LRRC4C: variants seen among roughly 807,000 people sequenced by gnomAD.
LRRC4C encodes leucine-rich repeat-containing protein 4C.
A neutral mutation model predicts 33.6 loss-of-function variants in LRRC4C; 5 were observed. That is an observed-to-expected ratio of 0.15 (90% confidence interval 0.08 to 0.31). The LOEUF is 0.31. Among genes scored for constraint, LRRC4C ranks in the 10% least tolerant of loss-of-function variants. The probability of loss-of-function intolerance (pLI) is 1.00; values close to 1 mark genes in which losing one functional copy is unlikely to be tolerated. For synonymous variants in LRRC4C, 329 were observed against 302.0 expected, an observed-to-expected ratio of 1.09 and a Z score of -0.93; for missense variants, 560 against 796.7, an observed-to-expected ratio of 0.70 and a Z score of 3.58.
At chr11:40,243,418 T>C (rs534564166) in intron 4 of LRRC4C, among the ~76,000 whole-genome samples, 12 of 152,202 alleles carry the variant, frequency 7.9e-5, no homozygotes, top group Middle Eastern at 3.4e-3. Flanking sequence ...AAACTATTCT[T>C]CAAATTCATA....
intron 5 of LRRC4C, among the ~76,000 whole-genome samples, chr11:40,220,423 A>T (rs1864319212): frequency 6.6e-6 from 1 of 152,216 alleles, no homozygotes; most frequent in Non-Finnish European, 1.5e-5. Flanking sequence ...ATAAGCATAG[A>T]TATGCGATTG....
chr11:40,346,921 G>C (rs1418578430), intron 3 of LRRC4C, among the ~76,000 whole-genome samples: 3 of 152,174 alleles, frequency 2.0e-5, no homozygotes, highest in Non-Finnish European at 2.9e-5. Context: ...TGAAGCACAG[G>C]CAGAGTGGAT....
intron 3 of LRRC4C, among the ~76,000 whole-genome samples, chr11:40,341,226 C>T (rs1275140001): frequency 6.6e-6 from 1 of 152,178 alleles, no homozygotes; most frequent in Non-Finnish European, 1.5e-5. Flanking sequence ...CCAGCTTCAT[C>T]CTTGTCCCTT....
chr11:40,191,923 G>A (rs146408274), intron 5 of LRRC4C, among the ~76,000 whole-genome samples: 121 of 152,188 alleles, frequency 8.0e-4, no homozygotes, highest in Admixed American at 3.1e-3. Flanking sequence ...TCACCCCACT[G>A]CACTCCACCC....
rs1459781551 is a variant in LRRC4C at position 41,442,746 on chromosome 11, G to A, written c.-496+16685C>T. 1.1e-4 allele frequency among the ~76,000 whole-genome samples: 17 copies of A among 152,160 alleles called. No individual in the cohort carries two copies. In the South Asian group the frequency reaches 3.5e-3, roughly 32 times the overall value. On this transcript the variant is annotated intron_variant, in intron 1 of 6. Coordinates refer to ENST00000528697, the MANE Select transcript of LRRC4C (RefSeq NM_001258419.2). ...TGCCTCCCAAAGTGCTGGGATTACA[G>A]GCGTGAGCCACCGCGCCCGGCCTGT...
chr11:40,628,809 A>T (rs568425557), intron 3 of LRRC4C, among the ~76,000 whole-genome samples: 1 of 152,314 alleles, frequency 6.6e-6, no homozygotes, highest in Non-Finnish European at 1.5e-5. Context: ...AACAGTTGAA[A>T]AATCCTTGAA....
intron 1 of LRRC4C, among the ~76,000 whole-genome samples, chr11:41,164,073 T>C (rs1203684931): frequency 6.6e-6 from 1 of 152,202 alleles, no homozygotes; most frequent in Non-Finnish European, 1.5e-5. Flanking sequence ...TTATCAATTA[T>C]TTAACTCTAT....
At chr11:40,428,261 A>AC (rs1408542835) in intron 3 of LRRC4C, among the ~76,000 whole-genome samples, 2 of 152,132 alleles carry the variant, frequency 1.3e-5, no homozygotes, top group Non-Finnish European at 2.9e-5. Context: ...GCTACACAGG[A>AC]CTTTTTTTTG....
chr11:40,157,672 A>C (rs2135309760), intron 5 of LRRC4C, among the ~76,000 whole-genome samples: 1 of 152,248 alleles, frequency 6.6e-6, no homozygotes, highest in Admixed American at 6.5e-5. Context: ...CAACATCATT[A>C]ATGATCAGGG....
chr11:40,995,505 C>T (rs1853906054), intron 1 of LRRC4C, among the ~76,000 whole-genome samples: 1 of 152,114 alleles, frequency 6.6e-6, no homozygotes, highest in Non-Finnish European at 1.5e-5. Context: ...ATCTTTCATC[C>T]TTTTCTTTTC....
intron 1 of LRRC4C, among the ~76,000 whole-genome samples, chr11:41,429,046 C>T (rs1955142626): frequency 2.0e-5 from 3 of 152,266 alleles, no homozygotes; most frequent in African/African-American, 7.2e-5. Flanking sequence ...CCCCACATAT[C>T]ATGGGAGGGA....
At chr11:40,345,415 C>A (rs191342674) in intron 3 of LRRC4C, among the ~76,000 whole-genome samples, 1 of 152,126 alleles carries the variant, frequency 6.6e-6, no homozygotes, top group Non-Finnish European at 1.5e-5. Context: ...CCCATCTGAT[C>A]TTTGACAAAG....
intron 5 of LRRC4C, among the ~76,000 whole-genome samples, chr11:40,198,132 A>G (rs1319689816): frequency 6.6e-6 from 1 of 152,172 alleles, no homozygotes; most frequent in East Asian, 1.9e-4. Context: ...TTGATTATAT[A>G]AATGAAGCAG....
intron 1 of LRRC4C, among the ~76,000 whole-genome samples, chr11:41,097,907 G>T (rs758346678): frequency 7.2e-5 from 11 of 151,944 alleles, no homozygotes; most frequent in Non-Finnish European, 1.2e-4. Flanking sequence ...CCCATGCCCT[G>T]ACAGGTTAGC....
At chr11:41,211,889 C>A (rs1479658464) in intron 1 of LRRC4C, among the ~76,000 whole-genome samples, 2 of 152,120 alleles carry the variant, frequency 1.3e-5, no homozygotes, top group East Asian at 3.9e-4. Context: ...AGTTCTAGAT[C>A]CCTGAGGAAC....
intron 1 of LRRC4C, among the ~76,000 whole-genome samples, chr11:41,030,339 T>A (rs1270784213): frequency 6.6e-6 from 1 of 151,782 alleles, no homozygotes; most frequent in African/African-American, 2.4e-5. Context: ...AGGTGAGTAA[T>A]TCTGTGCAAG....
chr11:40,341,025 C>A (rs931243038), intron 3 of LRRC4C, among the ~76,000 whole-genome samples: 4 of 152,140 alleles, frequency 2.6e-5, no homozygotes, highest in Non-Finnish European at 1.5e-5. Context: ...AAATCTTGGA[C>A]TTGCCAAGGC....
chr11:40,367,021 A>T (rs1397549065), intron 3 of LRRC4C, among the ~76,000 whole-genome samples: 1 of 152,090 alleles, frequency 6.6e-6, no homozygotes, highest in Non-Finnish European at 1.5e-5. Context: ...CTTTCAGAAG[A>T]TTCTAATCTG....
chr11:40,983,160 A>G (rs1394839919), intron 1 of LRRC4C, among the ~76,000 whole-genome samples: 1 of 152,148 alleles, frequency 6.6e-6, no homozygotes, highest in Non-Finnish European at 1.5e-5. Flanking sequence ...TTTACAATAG[A>G]ATGATTTATA....
Sources: allele counts gnomAD v4.1 joint callset (sites outside exome capture counted in the v4.1 genomes callset), GRCh38; gene constraint gnomAD v4.1.1; transcripts MANE v1.5; gene names NCBI Gene and HGNC (gene_info 2026-07-23, HGNC 2026-07-21).